The following KDM4B variants were observed in gnomAD, a reference collection of about 807,000 sequenced individuals.
KDM4B encodes lysine demethylase 4B, also known as lysine-specific demethylase 4B.
In KDM4B, 32 loss-of-function variants were observed where a neutral mutation model predicts 125.2. The ratio of observed to expected loss-of-function variants is 0.26; its 90% confidence interval spans 0.19 to 0.34. The LOEUF (loss-of-function observed/expected upper bound fraction) is 0.34. KDM4B is among the 10% of genes least tolerant of loss of function. The pLI, the probability that KDM4B is intolerant of heterozygous loss-of-function variation, is 1.00. For missense variants in KDM4B, 1,190 were observed against 1,577.7 expected (o/e 0.75, Z 4.16); for synonymous variants, 721 against 677.9 (o/e 1.06, Z -0.99).
intron 21 of KDM4B, among the ~76,000 whole-genome samples, chr19:5,146,959 A>C (rs1328700818): frequency 3.3e-5 from 5 of 150,062 alleles, no homozygotes; most frequent in Admixed American, 6.7e-5. Flanking sequence ...AAAAAAAAAA[A>C]AAACAAAAAC....
At chr19:5,137,590 C>A in intron 16 of KDM4B, 31 bp from the exon 17 acceptor site, 1 of 1,596,372 alleles carries the variant, frequency 6.3e-7, no homozygotes, top group Non-Finnish European at 8.5e-7. Flanking sequence ...GCTCCGAGCC[C>A]TGCTCATCCA....
At chr19:5,044,952 A>G (rs929642150) in intron 5 of KDM4B, among the ~76,000 whole-genome samples, 9 of 152,174 alleles carry the variant, frequency 5.9e-5, no homozygotes, top group Admixed American at 2.0e-4. Context: ...GCGCTGAATA[A>G]TACTCCATGG....
intron 9 of KDM4B, among the ~76,000 whole-genome samples, chr19:5,085,696 T>A (rs553924486): frequency 7.2e-5 from 11 of 152,294 alleles, no homozygotes; most frequent in African/African-American, 2.6e-4. Context: ...CAGCCCCTGC[T>A]CAGGCACCCC....
chr19:5,024,815 G>A (rs1476953053), intron 2 of KDM4B, among the ~76,000 whole-genome samples: 1 of 152,170 alleles, frequency 6.6e-6, no homozygotes, highest in Non-Finnish European at 1.5e-5. Context: ...GGACATGGTG[G>A]GGAGTGCCTG....
intron 1 of KDM4B, among the ~76,000 whole-genome samples, chr19:5,011,280 G>A (rs904855244): frequency 3.9e-5 from 6 of 152,160 alleles, no homozygotes; most frequent in African/African-American, 1.4e-4. Context: ...GATGCTGTTG[G>A]GGCATCATTG....
At chr19:5,106,957 G>A (rs1265820090) in intron 9 of KDM4B, among the ~76,000 whole-genome samples, 1 of 152,216 alleles carries the variant, frequency 6.6e-6, no homozygotes, top group South Asian at 2.1e-4. Flanking sequence ...ATCCAGGGCC[G>A]TGACCTGCAG....
At chr19:4,979,052 G>A (rs2034551002) in intron 1 of KDM4B, among the ~76,000 whole-genome samples, 1 of 152,228 alleles carries the variant, frequency 6.6e-6, no homozygotes, top group South Asian at 2.1e-4. Context: ...GGAGGCTGAG[G>A]TGGGAGGATC....
At chr19:5,131,567 AGGGAGGAGGGGG>A in intron 12 of KDM4B, 22 bp downstream of exon 12, 1 of 304,074 alleles carries the variant, frequency 3.3e-6, no homozygotes, top group Non-Finnish European at 6.3e-6. Flanking sequence ...CGGGGGAGGC[AGGGAGGAGGGGG>A]GCAGGTGGGG....
chr19:5,113,982 AC>A, intron 10 of KDM4B: 2 of 1,246,432 alleles, frequency 1.6e-6, no homozygotes, highest in Non-Finnish European at 2.1e-6. Flanking sequence ...CTCTTCCAGA[AC>A]TAAATCTCGT....
At chr19:4,978,191 G>T (rs989912677) in intron 1 of KDM4B, among the ~76,000 whole-genome samples, 2 of 152,136 alleles carry the variant, frequency 1.3e-5, no homozygotes, top group Admixed American at 6.5e-5. Flanking sequence ...GGAGGAAGTC[G>T]TTCTCTTGAC....
At chr19:5,083,596 C>T (rs1443058540) in intron 9 of KDM4B, among the ~76,000 whole-genome samples, 1 of 152,204 alleles carries the variant, frequency 6.6e-6, no homozygotes, top group African/African-American at 2.4e-5. Flanking sequence ...GCAGGCCAGG[C>T]TCGGCCACGT....
chr19:5,011,534 G>A (rs1160128522), intron 1 of KDM4B, among the ~76,000 whole-genome samples: 1 of 152,216 alleles, frequency 6.6e-6, no homozygotes, highest in African/African-American at 2.4e-5. Context: ...TGGGTGGGAG[G>A]CAGGAGATGG....
chr19:4,977,945 G>A (rs1222014491), intron 1 of KDM4B, among the ~76,000 whole-genome samples: 2 of 152,188 alleles, frequency 1.3e-5, no homozygotes, highest in African/African-American at 4.8e-5. Flanking sequence ...TCATGTTGCT[G>A]TTGTCCCCTT....
intron 9 of KDM4B, among the ~76,000 whole-genome samples, chr19:5,092,625 G>A (rs2038733730): frequency 6.6e-6 from 1 of 152,188 alleles, no homozygotes; most frequent in South Asian, 2.1e-4. Context: ...GCTGGTTCGG[G>A]GGCTGCAGCT....
At position 5,152,745 on chromosome 19, in the gene KDM4B, T is replaced by TG. The variant is rs972484919; in HGVS notation, c.*1238dup. On this transcript the variant is annotated 3_prime_UTR_variant, in exon 23 of 23. Transcript: ENST00000159111. ...CTCCCTCACCAGCTCTGCACCCCTC[T>TG]GGGGAGCCTTCCCCACCTTAGCTGT... is the stretch of plus-strand genomic sequence containing the variant. The TG allele has an allele frequency of 9.8e-5, 15 of 152,328 alleles. No homozygotes were observed. The highest frequency in any genetic ancestry group is 7.2e-4 in the Admixed American group (11 of 15,298). 9.4% of individuals were successfully genotyped at this position (152,328 alleles called of 1,614,324 possible).
chr19:5,109,690 ATCT>A (rs2039102596), intron 9 of KDM4B, among the ~76,000 whole-genome samples: 1 of 152,098 alleles, frequency 6.6e-6, no homozygotes, highest in African/African-American at 2.4e-5. Flanking sequence ...GACCCTCAGC[ATCT>A]TCTTCGTTAA....
At chr19:5,125,923 A>C (rs544935503) in intron 11 of KDM4B, among the ~76,000 whole-genome samples, 69 of 152,318 alleles carry the variant, frequency 4.5e-4, no homozygotes, top group South Asian at 1.9e-3. Flanking sequence ...CGAGAGGTTT[A>C]TCTCGAGAGA....
chr19:4,981,606 C>T (rs764811494), intron 1 of KDM4B, among the ~76,000 whole-genome samples: 3 of 151,452 alleles, frequency 2.0e-5, no homozygotes, highest in Non-Finnish European at 4.4e-5. Flanking sequence ...TGAGTGGGAG[C>T]CCCCCCCACC....
chr19:5,069,903 G>A (rs1169135556), intron 6 of KDM4B, among the ~76,000 whole-genome samples: 1 of 152,170 alleles, frequency 6.6e-6, no homozygotes, highest in Non-Finnish European at 1.5e-5. Context: ...CACCGCGCCT[G>A]GCTTCTTTAT....
Sources: allele counts gnomAD v4.1 joint callset (sites outside exome capture counted in the v4.1 genomes callset), GRCh38; gene constraint gnomAD v4.1.1; transcripts MANE v1.5; gene names NCBI Gene and HGNC (gene_info 2026-07-23, HGNC 2026-07-21).